PCDHGA3: variants seen among roughly 807,000 people sequenced by gnomAD.
The protein encoded by PCDHGA3 is protocadherin gamma-A3.
PCDHGA3 carries 40 observed loss-of-function variants against 58.5 expected under a neutral mutation model. That is an observed-to-expected ratio of 0.68 (90% CI 0.53 to 0.89). The LOEUF (loss-of-function observed/expected upper bound fraction) is 0.89. PCDHGA3 is among the 40% of genes least tolerant of loss of function. The pLI is 0.00. For synonymous variants in PCDHGA3, 530 were observed against 525.7 expected (o/e 1.01, Z -0.11); for missense variants, 1,223 against 1,195.9 (o/e 1.02, Z -0.33).
At chr5:141,424,928 T>C (rs2096848391) in intron 1 of PCDHGA3, among the ~76,000 whole-genome samples, 1 of 152,204 alleles carries the variant, frequency 6.6e-6, no homozygotes, top group South Asian at 2.1e-4. Flanking sequence ...ATCAATTCAG[T>C]CAACACTCTC....
intron 1 of PCDHGA3, among the ~76,000 whole-genome samples, chr5:141,369,759 G>A (rs6873480): frequency 0.13 from 19,861 of 152,140 alleles, 1,700 homozygotes; most frequent in African/African-American, 0.25. Flanking sequence ...AAGAATACAC[G>A]TGAAGCTGAT....
At chr5:141,483,186 A>G (rs2099578047) in intron 1 of PCDHGA3, among the ~76,000 whole-genome samples, 1 of 152,174 alleles carries the variant, frequency 6.6e-6, no homozygotes, top group Non-Finnish European at 1.5e-5. Flanking sequence ...CAAGCCAAGG[A>G]GTTTTTATTT....
Position 141,361,312 on chromosome 5 carries a change from A to G in PCDHGA3, c.2424+14855A>G, listed in dbSNP as rs1761969172. ...CCAAGTGTTGGGAAATGCCAAGTTTATTTTGAAATCTTCCTCAAAGAACTA... is the reference window on the plus strand; with the variant it reads ...CCAAGTGTTGGGAAATGCCAAGTTTGTTTTGAAATCTTCCTCAAAGAACTA... On this transcript the variant is annotated intron_variant, in intron 1 of 3. Coordinates refer to ENST00000253812, the MANE Select transcript of PCDHGA3 (RefSeq NM_018916.4). 5.0e-6 allele frequency: 8 copies of G among 1,613,984 alleles called. No individual in the cohort carries two copies. In the South Asian group the frequency reaches 7.7e-5, roughly 16 times the overall value.
chr5:141,419,923 G>A, intron 1 of PCDHGA3: 4 of 1,614,088 alleles, frequency 2.5e-6, no homozygotes, highest in Non-Finnish European at 3.4e-6. Flanking sequence ...AGGCTGAGAT[G>A]CAGTTTTACC....
At chr5:141,389,719 C>A (rs371194042) in intron 1 of PCDHGA3, 62 of 1,612,570 alleles carry the variant, frequency 3.8e-5, no homozygotes, top group South Asian at 1.1e-5. Flanking sequence ...GCTAGCGAGC[C>A]CGGGCTCTTC....
rs1561515319 is a variant in PCDHGA3 at position 141,357,584 on chromosome 5, A to C, written c.2424+11127A>C. On this transcript the variant is annotated intron_variant, in intron 1 of 3. Transcript: ENST00000253812. ...AAAAGCGAGCCTCTTCTGATAACTC[A>C]GGATTTACTTGAAACAAAAGGAGAC... The C allele has an allele frequency of 6.2e-7, 1 of 1,614,210 alleles. No individual in the cohort carries two copies. The highest frequency in any genetic ancestry group is 2.2e-5 in the East Asian group (1 of 44,886).
At position 141,403,513 on chromosome 5, in the gene PCDHGA3, T is replaced by G. The variant is rs754840157; in HGVS notation, c.2424+57056T>G. ...CCCTGAACGTGCAGACTGGAGACAATGGAGCCATAAACCCAGAGCTGGTGC... is the reference window on the plus strand; with the variant it reads ...CCCTGAACGTGCAGACTGGAGACAAGGGAGCCATAAACCCAGAGCTGGTGC... On this transcript the variant is annotated intron_variant, in intron 1 of 3. Coordinates refer to ENST00000253812, the MANE Select transcript of PCDHGA3 (RefSeq NM_018916.4). 8.1e-5 allele frequency: 131 copies of G among 1,613,832 alleles called. 1 individual carries two copies. In the African/African-American group the frequency reaches 1.2e-3, roughly 15 times the overall value.
At chr5:141,447,650 T>TC (rs1036312126) in intron 1 of PCDHGA3, among the ~76,000 whole-genome samples, 5 of 151,988 alleles carry the variant, frequency 3.3e-5, no homozygotes, top group Non-Finnish European at 5.9e-5. Context: ...GGTAGAATTT[T>TC]CCCCCCCAGG....
chr5:141,410,809 G>C, intron 1 of PCDHGA3: 1 of 292,002 alleles, frequency 3.4e-6, no homozygotes, highest in Admixed American at 5.8e-5. Flanking sequence ...CTATCTTTTT[G>C]TAAAATAATG....
Position 141,364,882 on chromosome 5 carries a change from C to G in PCDHGA3, c.2424+18425C>G, listed in dbSNP as rs199576947. 1.6e-3 allele frequency: 2,598 copies of G among 1,613,962 alleles called. 5 individuals carry two copies. The highest frequency in any genetic ancestry group is 2.6e-3 in the South Asian group (236 of 91,080). Reference sequence around the variant, plus strand: ...TGCACTTCTCTCTGGATGTGGTAAGCGGAACTGATGGACAAAAGTATCCGG... The same window carrying G: ...TGCACTTCTCTCTGGATGTGGTAAGGGGAACTGATGGACAAAAGTATCCGG... On this transcript the variant is annotated intron_variant, in intron 1 of 3. Transcript: ENST00000253812.
intron 1 of PCDHGA3, chr5:141,350,684 T>A: frequency 6.2e-7 from 1 of 1,613,968 alleles, no homozygotes; most frequent in South Asian, 1.1e-5. Context: ...AATTTGTGAG[T>A]CAGCCTTACC....
intron 1 of PCDHGA3, chr5:141,394,972 A>T (rs766374618): frequency 1.7e-5 from 28 of 1,613,900 alleles, no homozygotes; most frequent in Non-Finnish European, 2.3e-5. Flanking sequence ...AGGCGCTGGC[A>T]CAAGTCACGC....
chr5:141,491,826 C>G lies in PCDHGA3; in HGVS notation c.2425-2981C>G. ...GGCTTGGTCGCTGGCTGCGCTCCAC[C>G]CGATTCTCGGGATCATTGGACCGTT... On this transcript the variant is annotated intron_variant, in intron 1 of 3. Coordinates refer to ENST00000253812, the MANE Select transcript of PCDHGA3 (RefSeq NM_018916.4). The surrounding 1 kb of genome is among the most constrained non-coding windows in gnomAD (Gnocchi z 6.9). 1 of 1,477,526 alleles carries G rather than the reference C, an allele frequency of 6.8e-7. No individual in the cohort carries two copies. The highest frequency in any genetic ancestry group is 9.0e-7 in the Non-Finnish European group (1 of 1,114,486). 91.5% of individuals were successfully genotyped at this position (1,477,526 alleles called of 1,614,324 possible). A position where few individuals can be genotyped will look rare whatever the true frequency, so the allele number is the denominator to read the frequency against.
At position 141,485,681 on chromosome 5, in the gene PCDHGA3, T is replaced by A; in HGVS notation, c.2425-9126T>A. The A allele has an allele frequency of 6.2e-7, 1 of 1,614,074 alleles. No homozygotes were observed. The highest frequency in any genetic ancestry group is 8.5e-7 in the Non-Finnish European group (1 of 1,179,966). ...TGTGGGGAGCAATTCGATTAGCAGC[T>A]ATAGGCTGAGCTCCAATGAACACTT... On this transcript the variant is annotated intron_variant, in intron 1 of 3. Transcript: ENST00000253812. The surrounding 1 kb of genome is among the most constrained non-coding windows in gnomAD (Gnocchi z 5.7).
chr5:141,456,312 GCTC>G (rs2098849548), intron 1 of PCDHGA3, among the ~76,000 whole-genome samples: 1 of 152,126 alleles, frequency 6.6e-6, no homozygotes, highest in Admixed American at 6.6e-5. Context: ...AGCAGCTAGG[GCTC>G]CTCCTGGGGT....
chr5:141,356,200 C>A lies in PCDHGA3; in HGVS notation c.2424+9743C>A, dbSNP rs770189453. On this transcript the variant is annotated intron_variant, in intron 1 of 3. Transcript: ENST00000253812. ...TGGTCTCCGAGCTAGAAGCAAGGTA[C>A]TGGTGACAGTTCTGGATGAAAATGA... 3.1e-6 allele frequency: 5 copies of A among 1,608,320 alleles called. No homozygotes were observed. The Admixed American group carries it at 8.5e-5, about 27-fold the overall frequency.
intron 1 of PCDHGA3, 165 bp downstream of exon 1, chr5:141,346,622 C>A: frequency 1.9e-6 from 2 of 1,048,544 alleles, no homozygotes; most frequent in Non-Finnish European, 1.4e-6. Flanking sequence ...GGACTGCACT[C>A]CCCGGTCTGG....
In PCDHGA3 at chr5:141,490,794, C is replaced by G. The variant is rs763933771; in HGVS notation, c.2425-4013C>G. The G allele has an allele frequency of 5.0e-6, 8 of 1,613,976 alleles. No individual in the cohort carries two copies. In the South Asian group the frequency reaches 7.7e-5, roughly 16 times the overall value. ...ACCCAGAGGATGGACGGATCTTTGCCCAGCGTACCTTTGACTATGAATTGC... is the reference window on the plus strand; with the variant it reads ...ACCCAGAGGATGGACGGATCTTTGCGCAGCGTACCTTTGACTATGAATTGC... On this transcript the variant is annotated intron_variant, in intron 1 of 3. Transcript: ENST00000253812. The surrounding 1 kb of genome is among the most constrained non-coding windows in gnomAD (Gnocchi z 5.4).
intron 1 of PCDHGA3, chr5:141,371,305 T>G: frequency 6.2e-7 from 1 of 1,613,940 alleles, no homozygotes; most frequent in Non-Finnish European, 8.5e-7. Context: ...CTCACCACTA[T>G]TGGAGAACTG....
Sources: allele counts gnomAD v4.1 joint callset (sites outside exome capture counted in the v4.1 genomes callset), GRCh38; gene constraint gnomAD v4.1.1; non-coding constraint Gnocchi (gnomAD v3.1); transcripts MANE v1.5; gene names NCBI Gene and HGNC (gene_info 2026-07-23, HGNC 2026-07-21).